Variants in MSH4 observed in about 807,000 individuals in gnomAD.
The protein encoded by MSH4 is mutS protein homolog 4.
In MSH4, 106 loss-of-function variants were observed where a neutral mutation model predicts 113.7. The ratio of observed to expected loss-of-function variants is 0.93; its 90% CI spans 0.80 to 1.10. MSH4 has a LOEUF of 1.10. Ranked by LOEUF, MSH4 falls within the 50% of genes least tolerant of loss-of-function variation. The probability of loss-of-function intolerance (pLI) is 0.00; values close to 1 mark genes in which losing one functional copy is unlikely to be tolerated. For missense variants in MSH4, 1,061 were observed against 1,093.7 expected (o/e 0.97, Z 0.42); for synonymous variants, 368 against 380.2 (o/e 0.97, Z 0.37).
Position 75,797,468 on chromosome 1 carries a change from A to G in MSH4, c.244+239A>G, listed in dbSNP as rs921048451. 2.6e-5 allele frequency among the ~76,000 whole-genome samples: 4 copies of G among 152,318 alleles called. No individual in the cohort carries two copies. The South Asian group carries it at 6.2e-4, about 24-fold the overall frequency. On this transcript the variant is annotated intron_variant, in intron 1 of 19. Transcript: ENST00000263187. ...GTTCTGAGAAAGGCTGAAGTATCCCATATAACGTCCCTCACAGTGTCTGAC... is the reference window on the plus strand; with the variant it reads ...GTTCTGAGAAAGGCTGAAGTATCCCGTATAACGTCCCTCACAGTGTCTGAC...
intron 7 of MSH4, among the ~76,000 whole-genome samples, chr1:75,827,668 A>AG (rs1258602922): frequency 6.6e-6 from 1 of 151,220 alleles, no homozygotes; most frequent in Admixed American, 6.6e-5. Flanking sequence ...GGAAAGCAAA[A>AG]AAAAAAAAAA....
At chr1:75,808,618 G>T (rs1650119171) in intron 3 of MSH4, among the ~76,000 whole-genome samples, 1 of 152,144 alleles carries the variant, frequency 6.6e-6, no homozygotes, top group African/African-American at 2.4e-5. Context: ...TTGGGATTTT[G>T]ACATTCAGGA....
At chr1:75,875,857 T>C (rs1651806921) in intron 9 of MSH4, among the ~76,000 whole-genome samples, 1 of 152,136 alleles carries the variant, frequency 6.6e-6, no homozygotes, top group Non-Finnish European at 1.5e-5. Flanking sequence ...TGATTGCTTA[T>C]TGGTAGCATA....
In MSH4 at chr1:75,840,681, AAAAATAAAAT is replaced by A. The variant is rs201264241; in HGVS notation, c.1163-7516_1163-7507del. 6.6e-5 allele frequency among the ~76,000 whole-genome samples: 10 copies of A among 150,994 alleles called. 1 individual carries two copies. The highest frequency in any genetic ancestry group is 1.9e-4 in the African/African-American group (8 of 41,394). On this transcript the variant is annotated intron_variant, in intron 7 of 19. Coordinates refer to ENST00000263187, the MANE Select transcript of MSH4 (RefSeq NM_002440.4). Reference sequence around the variant, plus strand: ...CTTAAAGTATAATAATAATAAAATAAAAAATAAAATAAAATAAAATATAAGAATCTAAACC... The same window carrying A: ...CTTAAAGTATAATAATAATAAAATAAAAAATAAAATATAAGAATCTAAACC...
At chr1:75,869,968 A>G (rs750411415) in intron 9 of MSH4, among the ~76,000 whole-genome samples, 10 of 152,186 alleles carry the variant, frequency 6.6e-5, no homozygotes, top group Non-Finnish European at 1.5e-4. Flanking sequence ...TGGAAAAGCC[A>G]CAGACACTCA....
intron 1 of MSH4, among the ~76,000 whole-genome samples, chr1:75,803,042 A>G (rs1466070997): frequency 6.6e-6 from 1 of 152,110 alleles, no homozygotes. Flanking sequence ...CAGAGCCCTC[A>G]TGCCCCATCA....
intron 7 of MSH4, 80 bp from the exon 8 acceptor site, chr1:75,848,129 T>C: frequency 2.2e-6 from 2 of 893,296 alleles, no homozygotes; most frequent in East Asian, 5.0e-5. Flanking sequence ...ATTTTATTCT[T>C]TGAGGATAAT....
In MSH4 at chr1:75,883,721, T is replaced by G; in HGVS notation, c.2007T>G (p.Val669=). The change falls in exon 15 of 20, where the codon GTT becomes GTG. Residue 669 remains valine (V), a synonymous_variant. Transcript: ENST00000263187. ...AEKPIANNTY[V]TEGSNFLIIT... ...AACCTATTGCCAACAATACCTATGT[T>G]ACAGAAGGGAGTAATTTTTTGATCA... The G allele has an allele frequency of 6.2e-7, 1 of 1,613,452 alleles. No individual in the cohort carries two copies. The highest frequency in any genetic ancestry group is 2.2e-5 in the East Asian group (1 of 44,774).
At chr1:75,883,557 C>T (rs1390581320) in intron 14 of MSH4, 64 bp from the exon 15 acceptor site, 14 of 1,285,492 alleles carry the variant, frequency 1.1e-5, no homozygotes, top group Non-Finnish European at 1.5e-5. Flanking sequence ...AATACATACA[C>T]ACTACAAAAT....
At chr1:75,901,637 T>G (rs1282458877) in intron 19 of MSH4, among the ~76,000 whole-genome samples, 7 of 152,118 alleles carry the variant, frequency 4.6e-5, no homozygotes, top group Admixed American at 2.0e-4. Flanking sequence ...AGACATCTCT[T>G]TGATATACTT....
At chr1:75,870,521 G>A (rs1261656768) in intron 9 of MSH4, among the ~76,000 whole-genome samples, 1 of 152,136 alleles carries the variant, frequency 6.6e-6, no homozygotes, top group African/African-American at 2.4e-5. Flanking sequence ...AGGGCCAGGT[G>A]GAGGTAATTG....
intron 15 of MSH4, among the ~76,000 whole-genome samples, chr1:75,885,983 T>C (rs1366150909): frequency 0.037 from 3,804 of 102,854 alleles, 240 homozygotes; most frequent in African/African-American, 0.075. Flanking sequence ...ATAGTATATA[T>C]GATGTATTAT....
At chr1:75,904,338 C>T (rs1652573007) in intron 19 of MSH4, among the ~76,000 whole-genome samples, 1 of 151,950 alleles carries the variant, frequency 6.6e-6, no homozygotes, top group Non-Finnish European at 1.5e-5. Flanking sequence ...TTTGTTGTTT[C>T]ATAGTCTGGT....
At chr1:75,829,013 T>C (rs1570953194) in intron 7 of MSH4, among the ~76,000 whole-genome samples, 2 of 151,922 alleles carry the variant, frequency 1.3e-5, no homozygotes, top group East Asian at 3.9e-4. Flanking sequence ...AGCACAAGGG[T>C]TCAGAGAATT....
chr1:75,846,901 A>C (rs1209965716), intron 7 of MSH4, among the ~76,000 whole-genome samples: 1 of 152,056 alleles, frequency 6.6e-6, no homozygotes, highest in African/African-American at 2.4e-5. Flanking sequence ...CCAATTTTCT[A>C]TCTTAGTTTG....
intron 4 of MSH4, among the ~76,000 whole-genome samples, chr1:75,813,525 A>G (rs1650231683): frequency 6.6e-6 from 1 of 152,102 alleles, no homozygotes; most frequent in African/African-American, 2.4e-5. Flanking sequence ...GGAGATACCA[A>G]CCTCCTAGAA....
At chr1:75,869,055 G>A (rs946658080) in intron 9 of MSH4, among the ~76,000 whole-genome samples, 31 of 152,284 alleles carry the variant, frequency 2.0e-4, no homozygotes, top group African/African-American at 7.2e-4. Flanking sequence ...GAAGTTGTAG[G>A]AAAGTCTGAA....
At chr1:75,878,124 G>A (rs765821240) in intron 10 of MSH4, 25 bp from the exon 11 acceptor site, 1 of 1,485,088 alleles carries the variant, frequency 6.7e-7, no homozygotes, top group Non-Finnish European at 9.1e-7. Context: ...TGCCTATAAT[G>A]TTTTTCTTTT....
intron 7 of MSH4, among the ~76,000 whole-genome samples, chr1:75,824,423 G>A (rs1445911007): frequency 6.6e-6 from 1 of 152,088 alleles, no homozygotes; most frequent in African/African-American, 2.4e-5. Flanking sequence ...TCTGTAGGTT[G>A]CCTTTTCACT....
Sources: gnomAD v4.1 joint callset for allele counts (sites outside exome capture counted in the v4.1 genomes callset) on GRCh38, gnomAD v4.1.1 for gene constraint, MANE v1.5 for transcripts, NCBI Gene and HGNC (gene_info 2026-07-23, HGNC 2026-07-21) for gene names.